Variants in ERICH2 observed in about 807,000 individuals in gnomAD.
ERICH2 encodes glutamate rich 2.
ERICH2 carries 17 observed loss-of-function variants against 17.4 expected under a neutral mutation model. The ratio of observed to expected loss-of-function variants is 0.98; its 90% CI spans 0.67 to 1.47. The LOEUF (loss-of-function observed/expected upper bound fraction) is 1.47. Ranked by LOEUF, ERICH2 falls within the 40% of genes most tolerant of loss-of-function variation. ERICH2 has a pLI of 0.00. For synonymous variants in ERICH2, 51 were observed against 61.1 expected (o/e 0.83, Z 0.77); for missense variants, 186 against 183.2 (o/e 1.01, Z -0.09).
At chr2:170,770,718 G>A in the ERICH2 span, 2 of 154,954 alleles carry the variant, frequency 1.3e-5, no homozygotes, top group Non-Finnish European at 2.9e-5. Flanking sequence ...TCCTTCTTCG[G>A]CGCTCCTGAA....
chr2:170,783,757 A>G, upstream of ERICH2: 2 of 1,542,404 alleles, frequency 1.3e-6, no homozygotes, highest in South Asian at 1.2e-5. Context: ...ATTCCTCATT[A>G]TGACCTCCCT....
At chr2:170,773,605 G>A in the ERICH2 span, among the ~76,000 whole-genome samples, 7 of 152,148 alleles carry the variant, frequency 4.6e-5, no homozygotes, top group South Asian at 2.1e-4. Context: ...GTTAGTACCC[G>A]TTTCACCTAT....
At chr2:170,773,008 GT>G in the ERICH2 span, among the ~76,000 whole-genome samples, 1 of 152,172 alleles carries the variant, frequency 6.6e-6, no homozygotes, top group Non-Finnish European at 1.5e-5. Context: ...TATAAAAGGT[GT>G]TTTTGTTTTT....
At chr2:170,777,306 T>C in the ERICH2 span, 4 of 442,520 alleles carry the variant, frequency 9.0e-6, no homozygotes, top group Non-Finnish European at 1.2e-5. Flanking sequence ...ACATAAAGGC[T>C]ATTAGTAAAT....
chr2:170,778,077 C>T, the ERICH2 span: 5 of 160,580 alleles, frequency 3.1e-5, no homozygotes, highest in South Asian at 1.0e-3. Flanking sequence ...TGTTACTACT[C>T]AATAAAGAAA....
chr2:170,797,517 G>C (rs999800252), intron 3 of ERICH2, among the ~76,000 whole-genome samples: 19 of 152,200 alleles, frequency 1.2e-4, no homozygotes, highest in African/African-American at 4.1e-4. Flanking sequence ...TATAATGAGG[G>C]CTGGGTGCAG....
chr2:170,782,033 T>C (rs1041054594), upstream of ERICH2, among the ~76,000 whole-genome samples: 6 of 152,364 alleles, frequency 3.9e-5, no homozygotes, highest in African/African-American at 1.4e-4. Context: ...AGAATTGTTA[T>C]ACGATAACAA....
chr2:170,787,267 G>A (rs1701179903), intron 2 of ERICH2, among the ~76,000 whole-genome samples: 1 of 152,106 alleles, frequency 6.6e-6, no homozygotes, highest in African/African-American at 2.4e-5. Context: ...TATGTTTTGG[G>A]GTACAAACTT....
the ERICH2 span, among the ~76,000 whole-genome samples, chr2:170,776,928 G>A: frequency 6.7e-5 from 10 of 148,392 alleles, no homozygotes; most frequent in Admixed American, 4.0e-4. Context: ...TCCCCACCCC[G>A]TCCCCCAGAA....
intron 2 of ERICH2, among the ~76,000 whole-genome samples, chr2:170,788,157 T>C (rs1230459169): frequency 7.2e-5 from 11 of 152,186 alleles, no homozygotes; most frequent in Non-Finnish European, 8.8e-5. Flanking sequence ...ACCTCCTTAA[T>C]ATTATAAGGT....
At chr2:170,792,782 A>T (rs1701319730) in intron 2 of ERICH2, 81 bp from the exon 8 acceptor site, 1 of 852,678 alleles carries the variant, frequency 1.2e-6, no homozygotes, top group African/African-American at 1.7e-5. Flanking sequence ...AAAATAACTA[A>T]TGATTAATGG....
chr2:170,783,157 T>TA (rs1198792887), upstream of ERICH2: 1 of 151,366 alleles, frequency 6.6e-6, no homozygotes, highest in Non-Finnish European at 1.5e-5. Context: ...AAATAAAAAA[T>TA]AAAAAAATAG....
At chr2:170,780,677 A>G (rs1021379936), upstream of ERICH2, among the ~76,000 whole-genome samples, 1 of 152,150 alleles carries the variant, frequency 6.6e-6, no homozygotes. Context: ...ACCTTTTACA[A>G]TCAATGTCAT....
At chr2:170,783,799 G>C (rs1450336584) in exon 1 of ERICH2, 1 of 1,550,438 alleles carries the variant, frequency 6.4e-7, no homozygotes, top group Admixed American at 2.0e-5. Context: ...TCAGTCTACA[G>C]GCTAGGTGCA....
At chr2:170,779,747 A>G (rs888786545), upstream of ERICH2, 4 of 711,120 alleles carry the variant, frequency 5.6e-6, no homozygotes, top group Middle Eastern at 7.0e-4. Flanking sequence ...CACCTTTTCT[A>G]AAATGAATAA....
chr2:170,782,423 A>G (rs1050227124), upstream of ERICH2: 1 of 957,720 alleles, frequency 1.0e-6, no homozygotes, highest in African/African-American at 1.8e-5. Context: ...TTAACTAACT[A>G]TGGCTTCTAA....
At chr2:170,788,255 A>G (rs1183758930) in intron 2 of ERICH2, among the ~76,000 whole-genome samples, 3 of 152,202 alleles carry the variant, frequency 2.0e-5, no homozygotes, top group African/African-American at 7.2e-5. Flanking sequence ...TCATTCATGA[A>G]TTGTAGAGCA....
the ERICH2 span, among the ~76,000 whole-genome samples, chr2:170,772,190 C>G: frequency 2.0e-5 from 3 of 152,174 alleles, no homozygotes; most frequent in Non-Finnish European, 4.4e-5. Context: ...CCAGAGCTTT[C>G]TACCTACGCT....
At chr2:170,774,666 G>A in the ERICH2 span, among the ~76,000 whole-genome samples, 1 of 150,392 alleles carries the variant, frequency 6.6e-6, no homozygotes, top group East Asian at 2.0e-4. Context: ...TCACCTCCCG[G>A]GTTCAAGCAG....
Sources: allele counts gnomAD v4.1 joint callset (sites outside exome capture counted in the v4.1 genomes callset), GRCh38; gene constraint gnomAD v4.1.1; transcripts MANE v1.5; gene names NCBI Gene and HGNC (gene_info 2026-07-23, HGNC 2026-07-21).